TBC1D1: variants seen among roughly 807,000 people sequenced by gnomAD.
TBC1D1 encodes TBC1 domain family member 1.
A neutral mutation model predicts 125.6 loss-of-function variants in TBC1D1; 89 were observed. The observed-to-expected ratio is 0.71, with a 90% confidence interval of 0.60 to 0.85. The LOEUF (loss-of-function observed/expected upper bound fraction) is 0.85, where lower values mean the gene tolerates loss of function less well. Among genes scored for constraint, TBC1D1 ranks in the 40% least tolerant of loss-of-function variants. TBC1D1 has a pLI of 0.00. For synonymous variants in TBC1D1, 565 were observed against 564.1 expected (o/e 1.00, Z -0.02); for missense variants, 1,377 against 1,469.2 (o/e 0.94, Z 1.03).
intron 2 of TBC1D1, among the ~76,000 whole-genome samples, chr4:37,983,417 T>TC (rs1398381581): frequency 5.3e-5 from 8 of 152,132 alleles, no homozygotes; most frequent in African/African-American, 1.4e-4. Flanking sequence ...CCGCCATCCC[T>TC]CCCCCAAACT....
intron 2 of TBC1D1, among the ~76,000 whole-genome samples, chr4:37,915,221 G>C (rs1719468238): frequency 6.6e-6 from 1 of 152,008 alleles, no homozygotes; most frequent in South Asian, 2.1e-4. Flanking sequence ...TTTTTAACCT[G>C]ATATCATCTA....
chr4:38,005,650 T>G (rs1183082489), intron 2 of TBC1D1, among the ~76,000 whole-genome samples: 1 of 152,220 alleles, frequency 6.6e-6, no homozygotes, highest in Non-Finnish European at 1.5e-5. Context: ...AAGCTTTATC[T>G]TTTACCTTAG....
chr4:37,914,816 C>T (rs1042857855), intron 2 of TBC1D1, among the ~76,000 whole-genome samples: 3 of 152,316 alleles, frequency 2.0e-5, no homozygotes, highest in Admixed American at 6.5e-5. Flanking sequence ...TCTTTGCATC[C>T]GCTGTTGCCT....
At chr4:38,108,271 A>AT (rs1054385242) in intron 15 of TBC1D1, among the ~76,000 whole-genome samples, 1 of 152,190 alleles carries the variant, frequency 6.6e-6, no homozygotes, top group Non-Finnish European at 1.5e-5. Flanking sequence ...CCTCCCTAGC[A>AT]TCCCAGCCTA....
chr4:37,933,544 C>T (rs1360945618), intron 2 of TBC1D1, among the ~76,000 whole-genome samples: 2 of 151,710 alleles, frequency 1.3e-5, no homozygotes, highest in Non-Finnish European at 2.9e-5. Context: ...GGGTGTGTTT[C>T]CTTATTATGT....
At chr4:37,938,156 G>T (rs1263741701) in intron 2 of TBC1D1, among the ~76,000 whole-genome samples, 1 of 152,064 alleles carries the variant, frequency 6.6e-6, no homozygotes, top group Non-Finnish European at 1.5e-5. Flanking sequence ...TTAGATGGGA[G>T]GGTCGCTTGA....
At position 38,137,180 on chromosome 4, in the gene TBC1D1, C is replaced by T. The variant is rs1349059793; in HGVS notation, c.3352C>T (p.Leu1118Phe). The stretch of plus-strand genomic sequence containing the variant: ...AAGCCTTGAGGCCACCATTGAGAAG[C>T]TCCTGAGCAGTGAGAGCAAGCTGAA... Residue 1118 changes from leucine to phenylalanine, a missense_variant, in exon 20 of 20, where the codon CTC becomes TTC. By Grantham distance (22) the Leu-to-Phe change is conservative. Around this residue, in one of 3 missense-constraint regions of TBC1D1, gnomAD observed 543 missense variants for 613.5 expected, o/e 0.89. Transcript: ENST00000261439. The T allele has an allele frequency of 1.2e-6, 2 of 1,613,468 alleles. No individual in the cohort carries two copies. Among genetic ancestry groups the T allele is most frequent in the Admixed American group, 1.7e-5 (1 of 60,032 alleles).
intron 8 of TBC1D1, among the ~76,000 whole-genome samples, chr4:38,042,610 G>A (rs757743948): frequency 1.3e-5 from 2 of 152,100 alleles, no homozygotes; most frequent in Non-Finnish European, 2.9e-5. Context: ...ACAGCTCTGC[G>A]AGGAAAGTTC....
intron 8 of TBC1D1, 104 bp from the exon 9 acceptor site, chr4:38,044,258 A>C: frequency 7.8e-7 from 1 of 1,283,774 alleles, no homozygotes; most frequent in South Asian, 1.5e-5. Context: ...AGACAGGATC[A>C]GAATGATGGC....
At chr4:37,980,756 TATTA>T (rs1026310429) in intron 2 of TBC1D1, among the ~76,000 whole-genome samples, 2 of 152,216 alleles carry the variant, frequency 1.3e-5, no homozygotes, top group African/African-American at 4.8e-5. Context: ...GTATTTAATG[TATTA>T]ATTAAGGCAT....
chr4:37,991,297 A>G (rs1736514709), intron 2 of TBC1D1, among the ~76,000 whole-genome samples: 1 of 152,204 alleles, frequency 6.6e-6, no homozygotes, highest in Non-Finnish European at 1.5e-5. Context: ...TCTGGGTGCC[A>G]GAGATTTGGC....
At position 37,938,904 on chromosome 4, in the gene TBC1D1, C is replaced by G. The variant is rs541265896; in HGVS notation, c.417+36392C>G. Among the ~76,000 whole-genome samples the G allele has an allele frequency of 3.5e-4, 54 of 152,294 alleles. No homozygotes were observed. The South Asian group carries it at 0.011, about 31-fold the overall frequency. ...TATTCCATGGTGTATATGGGCCACA[C>G]TTTCTTAATCCAGTCTATCATTGAT... On this transcript the variant is annotated intron_variant, in intron 2 of 19. Transcript: ENST00000261439.
chr4:38,016,286 G>C (rs1742701969), intron 3 of TBC1D1, among the ~76,000 whole-genome samples: 2 of 152,174 alleles, frequency 1.3e-5, no homozygotes, highest in African/African-American at 4.8e-5. Context: ...GTTTCATTGT[G>C]GCCACCTGGG....
intron 7 of TBC1D1, among the ~76,000 whole-genome samples, chr4:38,031,062 A>G (rs2152452140): frequency 6.6e-6 from 1 of 152,316 alleles, no homozygotes; most frequent in Non-Finnish European, 1.5e-5. Flanking sequence ...GAAATGTTTC[A>G]TTTTCAAACA....
intron 12 of TBC1D1, among the ~76,000 whole-genome samples, chr4:38,088,738 GCTCTGTCATA>G (rs1195882655): frequency 6.6e-6 from 1 of 152,082 alleles, no homozygotes; most frequent in African/African-American, 2.4e-5. Context: ...CTGAGGGGAG[GCTCTGTCATA>G]CCCACTTGAC....
chr4:38,087,861 A>G (rs1308187997), intron 12 of TBC1D1, among the ~76,000 whole-genome samples: 6,455 of 122,924 alleles, frequency 0.053, 121 homozygotes, highest in African/African-American at 0.092. Context: ...AAAAAAAAAA[A>G]AGAAAAAAAA....
rs1334206972 is a variant in TBC1D1, at chr4:37,902,465, C to T, written c.370C>T (p.His124Tyr). 19 of 1,613,360 alleles carry T rather than the reference C, an allele frequency of 1.2e-5. No homozygotes were observed. In the Admixed American group the frequency reaches 3.2e-4, roughly 27 times the overall value. Residue 124 changes from histidine to tyrosine, a missense_variant, in exon 2 of 20, where the codon CAC (histidine) becomes TAC (tyrosine). Physicochemically the swap from His to Tyr is moderately conservative, Grantham distance 83 (BLOSUM62 2). This residue lies in a region of TBC1D1 where 822 missense variants were observed against 824.6 expected (regional missense o/e 1.00). Coordinates refer to ENST00000261439, the MANE Select transcript of TBC1D1 (RefSeq NM_015173.4). ...TTGTCTGATTAAGGAAGACGCTGTC[C>T]ACCGGCAGAGTATCTGCTATGTGTT...
At chr4:38,111,143 G>C (rs1157199875) in intron 15 of TBC1D1, among the ~76,000 whole-genome samples, 4 of 152,248 alleles carry the variant, frequency 2.6e-5, no homozygotes, top group Non-Finnish European at 5.9e-5. Flanking sequence ...ATGGGAGCTG[G>C]AGGGCTACAG....
chr4:37,974,653 G>C (rs1470807818), intron 2 of TBC1D1, among the ~76,000 whole-genome samples: 1 of 152,172 alleles, frequency 6.6e-6, no homozygotes, highest in Non-Finnish European at 1.5e-5. Context: ...GGCCTCCCGG[G>C]TTCCAGTGAT....
Sources: allele counts gnomAD v4.1 joint callset (sites outside exome capture counted in the v4.1 genomes callset), GRCh38; gene constraint gnomAD v4.1.1; regional missense constraint gnomAD v4.1.1; transcripts MANE v1.5; gene names NCBI Gene and HGNC (gene_info 2026-07-23, HGNC 2026-07-21).